LPP: variants seen among roughly 807,000 people sequenced by gnomAD.
LPP encodes lipoma-preferred partner.
In LPP, 38 loss-of-function variants were observed where a neutral mutation model predicts 60.4. That is an observed-to-expected ratio of 0.63 (90% CI 0.49 to 0.83). The LOEUF is 0.83. Ranked by LOEUF, LPP falls within the 40% of genes least tolerant of loss-of-function variation. The probability of loss-of-function intolerance (pLI) is 0.00; values close to 1 mark genes in which losing one functional copy is unlikely to be tolerated. For missense variants in LPP, 902 were observed against 783.6 expected, an observed-to-expected ratio of 1.15 and a Z score of -1.80; for synonymous variants, 328 against 290.8, an observed-to-expected ratio of 1.13 and a Z score of -1.30.
chr3:188,456,488 A>C (rs1405952782), intron 4 of LPP, among the ~76,000 whole-genome samples: 3 of 152,252 alleles, frequency 2.0e-5, no homozygotes, highest in African/African-American at 7.2e-5. Flanking sequence ...TGATAAAGAT[A>C]TCAGCAGAGG....
chr3:188,184,526 T>A (rs370067301), intron 1 of LPP, among the ~76,000 whole-genome samples: 6 of 152,142 alleles, frequency 3.9e-5, no homozygotes, highest in Admixed American at 3.9e-4. Context: ...TTGAAGGCTA[T>A]ATGGCATTCC....
chr3:188,156,251 C>T (rs769934196), intron 1 of LPP, among the ~76,000 whole-genome samples: 1 of 152,078 alleles, frequency 6.6e-6, no homozygotes, highest in Non-Finnish European at 1.5e-5. Context: ...TTTGAGTGTA[C>T]GCAGAGGGAG....
chr3:188,292,238 GA>G (rs1302659706), intron 2 of LPP, among the ~76,000 whole-genome samples: 4 of 152,220 alleles, frequency 2.6e-5, no homozygotes, highest in Non-Finnish European at 4.4e-5. Context: ...TGAATTTAAA[GA>G]GGAGCACTTC....
intron 1 of LPP, among the ~76,000 whole-genome samples, chr3:188,170,547 G>T (rs112375685): frequency 0.34 from 51,148 of 151,484 alleles, 9,707 homozygotes; most frequent in Non-Finnish European, 0.43. Context: ...TGGCCAGGCT[G>T]GTCTCAAACT....
At chr3:188,211,580 CT>C (rs145982708) in intron 1 of LPP, among the ~76,000 whole-genome samples, 2,645 of 152,238 alleles carry the variant, frequency 0.017, 31 homozygotes, top group African/African-American at 0.032. Context: ...AGATTCATTC[CT>C]GATTGGCTTC....
chr3:188,439,181 A>G (rs763575482), intron 4 of LPP, among the ~76,000 whole-genome samples: 3 of 152,136 alleles, frequency 2.0e-5, no homozygotes, highest in African/African-American at 7.2e-5. Flanking sequence ...CACCTTTTCT[A>G]TTTTGGTTGT....
intron 5 of LPP, among the ~76,000 whole-genome samples, chr3:188,494,521 C>T (rs190494896): frequency 5.7e-4 from 87 of 152,244 alleles, no homozygotes; most frequent in African/African-American, 1.9e-3. Context: ...ATACCCCTAA[C>T]GTCCATTCTA....
At chr3:188,759,983 C>A (rs1485984875) in intron 8 of LPP, 130 bp from the exon 9 acceptor site, 27 of 705,478 alleles carry the variant, frequency 3.8e-5, no homozygotes, top group Non-Finnish European at 6.7e-5. Flanking sequence ...GGTAATAGTA[C>A]TGGGGTAATG....
At chr3:188,638,536 A>C (rs970597340) in intron 7 of LPP, among the ~76,000 whole-genome samples, 7 of 147,354 alleles carry the variant, frequency 4.8e-5, no homozygotes, top group Admixed American at 4.0e-4. Context: ...AGGAGAAGGA[A>C]ATAAAGGGTA....
chr3:188,281,476 T>G (rs913708442), intron 2 of LPP, among the ~76,000 whole-genome samples: 1 of 151,546 alleles, frequency 6.6e-6, no homozygotes, highest in African/African-American at 2.4e-5. Flanking sequence ...TGATGGTTCG[T>G]GCCTGTAATC....
chr3:188,716,490 C>G (rs951743024), intron 8 of LPP, among the ~76,000 whole-genome samples: 3 of 152,024 alleles, frequency 2.0e-5, no homozygotes, highest in Admixed American at 6.6e-5. Flanking sequence ...GTGAGCTTGT[C>G]CAGAGGACTT....
intron 2 of LPP, among the ~76,000 whole-genome samples, chr3:188,248,057 T>G (rs1336465700): frequency 6.6e-6 from 1 of 152,110 alleles, no homozygotes; most frequent in Non-Finnish European, 1.5e-5. Context: ...ACTATTGATC[T>G]AGTCTTGATT....
At chr3:188,703,979 A>G (rs931653508) in intron 7 of LPP, among the ~76,000 whole-genome samples, 1 of 152,214 alleles carries the variant, frequency 6.6e-6, no homozygotes, top group Non-Finnish European at 1.5e-5. Flanking sequence ...CTGAGGGTCC[A>G]TCCTAAGACT....
At chr3:188,376,283 C>G (rs1237818590) in intron 3 of LPP, among the ~76,000 whole-genome samples, 1 of 151,476 alleles carries the variant, frequency 6.6e-6, no homozygotes, top group African/African-American at 2.4e-5. Flanking sequence ...TCTTGTTGAT[C>G]TGTCTAATGT....
At chr3:188,173,543 C>T (rs1311694257) in intron 1 of LPP, among the ~76,000 whole-genome samples, 1 of 151,816 alleles carries the variant, frequency 6.6e-6, no homozygotes, top group Non-Finnish European at 1.5e-5. Context: ...AAAAACCAAC[C>T]TGGGCAGCAG....
intron 9 of LPP, among the ~76,000 whole-genome samples, chr3:188,862,500 A>T (rs999940016): frequency 1.3e-5 from 2 of 152,080 alleles, no homozygotes; most frequent in Admixed American, 1.3e-4. Flanking sequence ...AAAGTAGAAT[A>T]CAAGATAGTC....
intron 3 of LPP, among the ~76,000 whole-genome samples, chr3:188,383,449 T>C (rs1333342041): frequency 6.6e-6 from 1 of 152,232 alleles, no homozygotes; most frequent in Non-Finnish European, 1.5e-5. Flanking sequence ...CTTACTTCCT[T>C]AGCATGGTAT....
chr3:188,872,405 T>C (rs946338409), intron 10 of LPP, among the ~76,000 whole-genome samples: 3 of 152,196 alleles, frequency 2.0e-5, no homozygotes, highest in African/African-American at 7.2e-5. Context: ...AGGAAAGAGA[T>C]GCTAGATGCT....
chr3:188,561,894 A>G (rs1325165032), intron 6 of LPP, among the ~76,000 whole-genome samples: 1 of 151,986 alleles, frequency 6.6e-6, no homozygotes, highest in African/African-American at 2.4e-5. Flanking sequence ...GTAAAGATAA[A>G]GCAGTTTGAA....
Sources: gnomAD v4.1 joint callset for allele counts (sites outside exome capture counted in the v4.1 genomes callset) on GRCh38, gnomAD v4.1.1 for gene constraint, MANE v1.5 for transcripts, NCBI Gene and HGNC (gene_info 2026-07-23, HGNC 2026-07-21) for gene names.